The following FRRS1 variants were observed in gnomAD, a reference collection of about 807,000 sequenced individuals.
FRRS1 encodes ferric reductase 1.
Under a neutral mutation model 70.7 loss-of-function variants are expected in FRRS1, and 51 were observed. The observed-to-expected ratio is 0.72, with a 90% confidence interval of 0.58 to 0.91. The LOEUF (loss-of-function observed/expected upper bound fraction) is 0.91. Ranked by LOEUF, FRRS1 falls within the 40% of genes least tolerant of loss-of-function variation. The pLI is 0.00. For synonymous variants in FRRS1, 225 were observed against 238.7 expected (o/e 0.94, Z 0.53); for missense variants, 672 against 726.0 (o/e 0.93, Z 0.86).
intron 9 of FRRS1, among the ~76,000 whole-genome samples, chr1:99,721,389 TAAAA>T (rs761285446): frequency 3.0e-5 from 2 of 65,712 alleles, no homozygotes; most frequent in African/African-American, 6.1e-5. Context: ...TCCGTCTCAA[TAAAA>T]AAAAAAAAAA....
intron 15 of FRRS1, among the ~76,000 whole-genome samples, chr1:99,710,138 C>CA (rs1165670288): frequency 6.6e-6 from 1 of 152,150 alleles, no homozygotes; most frequent in Non-Finnish European, 1.5e-5. Flanking sequence ...CACTAGACAA[C>CA]AAAGAATTTT....
rs1654034120 is a variant in FRRS1 at position 99,706,224 on chromosome 1, C to CTAA, written c.*2803_*2804insTTA. On this transcript the variant is annotated 3_prime_UTR_variant, in exon 17 of 17. Coordinates refer to ENST00000646001, the MANE Select transcript of FRRS1 (RefSeq NM_001361041.2). ...CAACAAAGGGAGATCCCTTCTCTAC[C>CTAA]AAAAAAAAAAAAAAATTTTTTTTTA... 1.4e-5 allele frequency among the ~76,000 whole-genome samples: 2 copies of CTAA among 139,578 alleles called. No individual in the cohort carries two copies. The highest frequency in any genetic ancestry group is 4.6e-4 in the South Asian group (2 of 4,334). The allele number at this position is 139,578 out of a possible 152,430, so 91.6% of individuals were successfully genotyped here.
At chr1:99,725,147 G>A (rs758861595) in intron 9 of FRRS1, among the ~76,000 whole-genome samples, 4 of 152,016 alleles carry the variant, frequency 2.6e-5, no homozygotes, top group Non-Finnish European at 4.4e-5. Flanking sequence ...AATGGGGTTC[G>A]TGCTCCTATG....
chr1:99,750,987 T>A (rs1656542786), intron 1 of FRRS1, among the ~76,000 whole-genome samples: 1 of 152,194 alleles, frequency 6.6e-6, no homozygotes, highest in Admixed American at 6.5e-5. Flanking sequence ...TCTATGAATG[T>A]ATTTCTAAAA....
chr1:99,746,699 G>T (rs1399197798), intron 4 of FRRS1, among the ~76,000 whole-genome samples: 1 of 152,166 alleles, frequency 6.6e-6, no homozygotes, highest in Non-Finnish European at 1.5e-5. Context: ...TGGCAGAAGG[G>T]TTCCAATTAT....
In FRRS1 at chr1:99,712,211, A is replaced by G. The variant is rs372348291; in HGVS notation, c.1422-48T>C. 8.2e-4 allele frequency: 1,024 copies of G among 1,251,356 alleles called. 1 individual carries two copies. Among genetic ancestry groups the G allele is most frequent in the Non-Finnish European group, 1.1e-3 (968 of 859,824 alleles). 77.5% of individuals were successfully genotyped at this position (1,251,356 alleles called of 1,614,324 possible). A position where few individuals can be genotyped will look rare whatever the true frequency, so the allele number is the denominator to read the frequency against. On this transcript the variant is annotated intron_variant, in intron 13 of 16. Coordinates refer to ENST00000646001, the MANE Select transcript of FRRS1 (RefSeq NM_001361041.2). ...GTATTCTTAAAAGCAATGGAACTAT[A>G]ATTAATTCCCACTAGAATAAAAAGC...
At chr1:99,716,491 A>G (rs1156900525) in intron 11 of FRRS1, among the ~76,000 whole-genome samples, 1 of 152,248 alleles carries the variant, frequency 6.6e-6, no homozygotes, top group Non-Finnish European at 1.5e-5. Flanking sequence ...CAAGCAAGAA[A>G]GTAGTCACCT....
chr1:99,744,075 A>AAG (rs1557701103), intron 4 of FRRS1, among the ~76,000 whole-genome samples: 3 of 150,202 alleles, frequency 2.0e-5, no homozygotes, highest in African/African-American at 5.0e-5. Flanking sequence ...AAAAAAAAAA[A>AAG]AAAGAAAGAA....
intron 1 of FRRS1, among the ~76,000 whole-genome samples, chr1:99,754,097 C>T (rs1339266073): frequency 6.6e-6 from 1 of 152,110 alleles, no homozygotes; most frequent in East Asian, 1.9e-4. Flanking sequence ...CATAACAATG[C>T]AATAGAGCAT....
chr1:99,747,253 G>A (rs111476090), intron 4 of FRRS1, 41 bp downstream of exon 4: 4 of 1,561,030 alleles, frequency 2.6e-6, no homozygotes, highest in Non-Finnish European at 3.5e-6. Context: ...GTCTGCACCT[G>A]TAACCTCCAC....
At chr1:99,742,522 T>G (rs1487111695) in intron 4 of FRRS1, among the ~76,000 whole-genome samples, 4 of 152,220 alleles carry the variant, frequency 2.6e-5, no homozygotes, top group Non-Finnish European at 5.9e-5. Flanking sequence ...CTGTGAACAC[T>G]GGGTACGTTA....
At chr1:99,743,019 A>G (rs1389142162) in intron 4 of FRRS1, among the ~76,000 whole-genome samples, 2 of 151,378 alleles carry the variant, frequency 1.3e-5, no homozygotes, top group African/African-American at 4.9e-5. Flanking sequence ...AAAAAATTAG[A>G]CTCCTGTCAT....
intron 1 of FRRS1, among the ~76,000 whole-genome samples, chr1:99,752,069 C>T (rs989683308): frequency 4.6e-5 from 7 of 152,276 alleles, no homozygotes; most frequent in South Asian, 2.1e-4. Flanking sequence ...TAGGACCTTG[C>T]TCTGGATTAG....
At chr1:99,728,898 C>T (rs1299039096) in intron 8 of FRRS1, among the ~76,000 whole-genome samples, 1 of 152,170 alleles carries the variant, frequency 6.6e-6, no homozygotes, top group Non-Finnish European at 1.5e-5. Context: ...ATTCCTCTAC[C>T]TAGGTTAGAA....
chr1:99,758,518 CT>C (rs1226633251), intron 1 of FRRS1, among the ~76,000 whole-genome samples: 1 of 152,186 alleles, frequency 6.6e-6, no homozygotes, highest in Non-Finnish European at 1.5e-5. Context: ...TGTCTTTAAT[CT>C]CTTAATCCTG....
chr1:99,759,795 T>C (rs1202204571), intron 1 of FRRS1, among the ~76,000 whole-genome samples: 1 of 152,236 alleles, frequency 6.6e-6, no homozygotes, highest in African/African-American at 2.4e-5. Flanking sequence ...GGAATCCTTA[T>C]AAGCAGCAGA....
chr1:99,751,873 A>C (rs774757735), intron 1 of FRRS1, among the ~76,000 whole-genome samples: 3 of 152,226 alleles, frequency 2.0e-5, no homozygotes, highest in Non-Finnish European at 4.4e-5. Context: ...TCTTCCACTT[A>C]GTCTAACATG....
chr1:99,749,942 T>C (rs754931995), intron 1 of FRRS1, among the ~76,000 whole-genome samples: 2 of 152,246 alleles, frequency 1.3e-5, no homozygotes, highest in African/African-American at 2.4e-5. Flanking sequence ...TAAGAGGCAG[T>C]TTATTATTTA....
At chr1:99,733,612 TA>T (rs1655504040) in intron 7 of FRRS1, among the ~76,000 whole-genome samples, 1 of 152,126 alleles carries the variant, frequency 6.6e-6, no homozygotes, top group South Asian at 2.1e-4. Flanking sequence ...TGAATGGTGG[TA>T]ATAAACTACA....
Sources: gnomAD v4.1 joint callset for allele counts (sites outside exome capture counted in the v4.1 genomes callset) on GRCh38, gnomAD v4.1.1 for gene constraint, MANE v1.5 for transcripts, NCBI Gene and HGNC (gene_info 2026-07-23, HGNC 2026-07-21) for gene names.